SYT9: variants seen among roughly 807,000 people sequenced by gnomAD.
The protein encoded by SYT9 is synaptotagmin-9.
In SYT9, 22 loss-of-function variants were observed where a neutral mutation model predicts 48.4. That is an observed-to-expected ratio of 0.45 (90% CI 0.32 to 0.65). SYT9 has a LOEUF of 0.65. SYT9 is among the 30% of genes least tolerant of loss of function. SYT9 has a pLI of 0.03. For missense variants in SYT9, 577 were observed against 622.0 expected (o/e 0.93, Z 0.77); for synonymous variants, 265 against 245.0 (o/e 1.08, Z -0.76).
intron 6 of SYT9, among the ~76,000 whole-genome samples, chr11:7,436,169 T>C (rs781249690): frequency 6.6e-6 from 1 of 152,200 alleles, no homozygotes; most frequent in Non-Finnish European, 1.5e-5. Flanking sequence ...ATCCACTCCA[T>C]GCTAAGAGAA....
intron 6 of SYT9, among the ~76,000 whole-genome samples, chr11:7,450,054 C>A (rs1419357081): frequency 6.6e-6 from 1 of 152,174 alleles, no homozygotes; most frequent in Non-Finnish European, 1.5e-5. Context: ...TCCAATGTTA[C>A]ATTTTCTACT....
rs937583918 is a variant in SYT9 at position 7,431,572 on chromosome 11, A to T, written c.1467+10937A>T. 2.6e-5 allele frequency among the ~76,000 whole-genome samples: 4 copies of T among 152,244 alleles called. No individual in the cohort carries two copies. In the East Asian group the frequency reaches 7.7e-4, roughly 29 times the overall value. On this transcript the variant is annotated intron_variant, in intron 6 of 6. Transcript: ENST00000318881. ...CAAGACAATGGGAAAAAGACCTCAAAGGCATTTCGGAGACCTTGGCAGCAG... is the reference window on the plus strand; with the variant it reads ...CAAGACAATGGGAAAAAGACCTCAATGGCATTTCGGAGACCTTGGCAGCAG...
Position 7,313,497 on chromosome 11 carries a change from A to T in SYT9, c.600A>T (p.Pro200=). ...TGACTGGAATTGGTAGAATTAAACCAGAGTTATATAAGCAGAGGTCATTGG... is the reference window on the plus strand; with the variant it reads ...TGACTGGAATTGGTAGAATTAAACCTGAGTTATATAAGCAGAGGTCATTGG... ...EQLTGIGRIK[P]ELYKQRSLDN... Residue 200 remains proline (P), a synonymous_variant, in exon 3 of 7, where the codon CCA becomes CCT. Coordinates refer to ENST00000318881, the MANE Select transcript of SYT9 (RefSeq NM_175733.4). 2 of 1,614,196 alleles carry T rather than the reference A, an allele frequency of 1.2e-6. No individual in the cohort carries two copies. Among genetic ancestry groups the T allele is most frequent in the South Asian group, 2.2e-5 (2 of 91,088 alleles).
intron 1 of SYT9, 89 bp from the exon 2 acceptor site, chr11:7,302,950 T>C: frequency 8.1e-7 from 1 of 1,234,240 alleles, no homozygotes; most frequent in Non-Finnish European, 1.2e-6. Flanking sequence ...AAGGGATGAG[T>C]GGATGAGAGG....
intron 6 of SYT9, among the ~76,000 whole-genome samples, chr11:7,460,814 A>G (rs1848222550): frequency 6.6e-6 from 1 of 152,222 alleles, no homozygotes; most frequent in South Asian, 2.1e-4. Flanking sequence ...AGCATCATTT[A>G]TAATTCTTAT....
At chr11:7,406,501 A>G (rs1018422858) in intron 3 of SYT9, among the ~76,000 whole-genome samples, 1 of 146,498 alleles carries the variant, frequency 6.8e-6, no homozygotes, top group Non-Finnish European at 1.5e-5. Flanking sequence ...ACATGATTTC[A>G]TTCTTTTTTA....
At chr11:7,285,270 G>T (rs754556935) in intron 1 of SYT9, among the ~76,000 whole-genome samples, 14 of 152,166 alleles carry the variant, frequency 9.2e-5, no homozygotes, top group Non-Finnish European at 1.8e-4. Flanking sequence ...GGCTGGGGAG[G>T]CCTCAGGAAA....
chr11:7,405,371 A>G (rs767827626), intron 3 of SYT9, among the ~76,000 whole-genome samples: 2 of 152,078 alleles, frequency 1.3e-5, no homozygotes, highest in Admixed American at 6.6e-5. Flanking sequence ...CTCGTTGGGG[A>G]GCAAAATTAC....
At chr11:7,406,116 C>CA (rs1847003366) in intron 3 of SYT9, among the ~76,000 whole-genome samples, 1 of 152,062 alleles carries the variant, frequency 6.6e-6, no homozygotes, top group African/African-American at 2.4e-5. Flanking sequence ...TTCGTCAAGT[C>CA]AGAGTTTTTG....
chr11:7,411,712 G>C (rs1222252126), intron 3 of SYT9, among the ~76,000 whole-genome samples: 1 of 152,088 alleles, frequency 6.6e-6, no homozygotes, highest in African/African-American at 2.4e-5. Flanking sequence ...TTCTTGCTCT[G>C]TATTTGTGTG....
chr11:7,362,949 C>CTTTTTTTTTTT (rs35065184), intron 3 of SYT9, among the ~76,000 whole-genome samples: 1 of 17,922 alleles, frequency 5.6e-5, no homozygotes. Context: ...ATTTATTGGC[C>CTTTTTTTTTTT]TTTTTTTTTT....
intron 3 of SYT9, among the ~76,000 whole-genome samples, chr11:7,384,089 CA>C (rs1564884650): frequency 2.9e-4 from 44 of 151,160 alleles, no homozygotes; most frequent in Middle Eastern, 3.4e-3. Context: ...CACACACACA[CA>C]CACCCTCACA....
At chr11:7,281,846 C>A (rs7108897) in intron 1 of SYT9, among the ~76,000 whole-genome samples, 1 of 152,098 alleles carries the variant, frequency 6.6e-6, no homozygotes, top group South Asian at 2.1e-4. Flanking sequence ...CGCTGTTATG[C>A]TTGTAAGCAA....
At chr11:7,354,694 A>G (rs527934140) in intron 3 of SYT9, among the ~76,000 whole-genome samples, 88 of 152,168 alleles carry the variant, frequency 5.8e-4, no homozygotes, top group African/African-American at 1.9e-3. Context: ...ATGCACTGCT[A>G]CTTCATTGCA....
intron 6 of SYT9, chr11:7,439,676 A>G (rs985856046): frequency 1.3e-5 from 2 of 152,378 alleles, no homozygotes; most frequent in African/African-American, 4.8e-5. Flanking sequence ...AAGCAGGGGT[A>G]TGTTACAGAG....
At chr11:7,452,116 A>AAAACAC (rs1337008527) in intron 6 of SYT9, among the ~76,000 whole-genome samples, 1 of 103,454 alleles carries the variant, frequency 9.7e-6, no homozygotes, top group African/African-American at 6.3e-5. Context: ...GTTTATATTT[A>AAAACAC]AAACACACAC....
chr11:7,341,461 G>C (rs1182215215), intron 3 of SYT9, among the ~76,000 whole-genome samples: 2 of 152,062 alleles, frequency 1.3e-5, no homozygotes, highest in Admixed American at 1.3e-4. Flanking sequence ...GAGATCTAAT[G>C]GTTTTATAAA....
chr11:7,394,741 T>G (rs2346828), intron 3 of SYT9, among the ~76,000 whole-genome samples: 97,962 of 151,936 alleles, frequency 0.64, 33,099 homozygotes, highest in Non-Finnish European at 0.75. Context: ...AGTTTGTTCT[T>G]GTTTTTCTAA....
chr11:7,259,056 A>G (rs1848030582), intron 1 of SYT9, among the ~76,000 whole-genome samples: 1 of 152,112 alleles, frequency 6.6e-6, no homozygotes, highest in African/African-American at 2.4e-5. Flanking sequence ...GGAATATTGC[A>G]TGGCACATAA....
Sources: gnomAD v4.1 joint callset for allele counts (sites outside exome capture counted in the v4.1 genomes callset) on GRCh38, gnomAD v4.1.1 for gene constraint, MANE v1.5 for transcripts, NCBI Gene and HGNC (gene_info 2026-07-23, HGNC 2026-07-21) for gene names.